RGL1: variants seen among roughly 807,000 people sequenced by gnomAD.
RGL1 encodes the protein ral guanine nucleotide dissociation stimulator-like 1.
A neutral mutation model predicts 95.2 loss-of-function variants in RGL1; 24 were observed. The observed-to-expected ratio is 0.25, with a 90% CI of 0.18 to 0.35. The LOEUF is 0.35. Among genes scored for constraint, RGL1 ranks in the 10% least tolerant of loss-of-function variants. The pLI is 1.00. For synonymous variants in RGL1, 329 were observed against 344.9 expected, an observed-to-expected ratio of 0.95 and a Z score of 0.51; for missense variants, 715 against 936.3, an observed-to-expected ratio of 0.76 and a Z score of 3.08.
rs977275340 is a variant in RGL1 at position 183,648,888 on chromosome 1, A to G, written c.-33+12387A>G. ...ACAGTGCATTAATTTATTAAACCAT[A>G]CTTTCTTTAAAGGAAGTAGCACAAT... On this transcript the variant is annotated intron_variant, in intron 1 of 18. Transcript: ENST00000304685. 7.9e-6 allele frequency: 7 copies of G among 890,506 alleles called. No homozygotes were observed. The East Asian group carries it at 1.7e-4, about 22-fold the overall frequency. 55.2% of individuals were successfully genotyped at this position (890,506 alleles called of 1,614,324 possible). A position where few individuals can be genotyped will look rare whatever the true frequency, so the allele number is the denominator to read the frequency against.
At chr1:183,910,248 C>T (rs1232104480) in intron 14 of RGL1, among the ~76,000 whole-genome samples, 1 of 152,120 alleles carries the variant, frequency 6.6e-6, no homozygotes, top group Non-Finnish European at 1.5e-5. Flanking sequence ...AGGCACATGC[C>T]ACCACACCTG....
intron 2 of RGL1, among the ~76,000 whole-genome samples, chr1:183,807,106 T>C (rs1572436885): frequency 6.6e-6 from 1 of 152,154 alleles, no homozygotes; most frequent in African/African-American, 2.4e-5. Context: ...TTGTAAAATA[T>C]TGGGTGAGGT....
rs762764434 is a variant in RGL1, at chr1:183,713,072, C to T, written c.-32-29054C>T. 7.4e-4 allele frequency among the ~76,000 whole-genome samples: 112 copies of T among 152,160 alleles called. 1 individual carries two copies. The highest frequency in any genetic ancestry group is 3.4e-3 in the Middle Eastern group (1 of 294). On this transcript the variant is annotated intron_variant, in intron 1 of 18. Coordinates refer to the RGL1 transcript ENST00000304685. ...ACAGAGTCTCCCTCTCTCGCCCAGG[C>T]TGGAGTACAGTGGCATGATCTCGGC... is the stretch of plus-strand genomic sequence containing the variant.
chr1:183,871,418 A>G (rs1190021811), intron 4 of RGL1, among the ~76,000 whole-genome samples: 5 of 152,314 alleles, frequency 3.3e-5, no homozygotes, highest in East Asian at 3.9e-4. Flanking sequence ...CAGGAATCCA[A>G]TGACATTCAG....
At chr1:183,741,700 T>G (rs1428084875) in intron 1 of RGL1, among the ~76,000 whole-genome samples, 1 of 152,230 alleles carries the variant, frequency 6.6e-6, no homozygotes, top group Non-Finnish European at 1.5e-5. Flanking sequence ...CACAAGTGCA[T>G]AATAGATGTT....
intron 17 of RGL1, 142 bp downstream of exon 17, chr1:183,922,478 T>C (rs1229829430): frequency 1.6e-6 from 1 of 632,324 alleles, no homozygotes. Flanking sequence ...AGTGCAAGGG[T>C]GAACAACCGT....
At chr1:183,874,494 C>G (rs529878486) in intron 4 of RGL1, among the ~76,000 whole-genome samples, 4 of 151,918 alleles carry the variant, frequency 2.6e-5, no homozygotes, top group Non-Finnish European at 5.9e-5. Flanking sequence ...TTTTCTTCCT[C>G]CTTCTTGCCG....
chr1:183,860,203 C>T (rs1244399449), intron 3 of RGL1, among the ~76,000 whole-genome samples: 4 of 152,126 alleles, frequency 2.6e-5, no homozygotes, highest in Admixed American at 1.3e-4. Flanking sequence ...TCTTCCTTTC[C>T]GTTCTTTCAC....
chr1:183,909,827 CT>C (rs1318108969), intron 14 of RGL1, among the ~76,000 whole-genome samples: 1 of 152,156 alleles, frequency 6.6e-6, no homozygotes, highest in Non-Finnish European at 1.5e-5. Flanking sequence ...TCCCGCCCTC[CT>C]TTTACCACTA....
At chr1:183,658,183 C>T (rs1651322360) in intron 1 of RGL1, among the ~76,000 whole-genome samples, 1 of 152,214 alleles carries the variant, frequency 6.6e-6, no homozygotes, top group Non-Finnish European at 1.5e-5. Flanking sequence ...GTTCATCTCA[C>T]TAGGGAGTGC....
At chr1:183,746,317 TAC>T (rs1007065037) in intron 2 of RGL1, among the ~76,000 whole-genome samples, 1 of 151,796 alleles carries the variant, frequency 6.6e-6, no homozygotes. Flanking sequence ...TGTTGAGTTA[TAC>T]ACACACACAC....
chr1:183,743,147 G>T (rs373921228), intron 2 of RGL1, among the ~76,000 whole-genome samples: 85 of 152,194 alleles, frequency 5.6e-4, no homozygotes, highest in African/African-American at 2.0e-3. Context: ...AAGTAACTAG[G>T]ACTACAGGTC....
chr1:183,806,945 T>A (rs1187965879), intron 2 of RGL1, among the ~76,000 whole-genome samples: 1 of 152,192 alleles, frequency 6.6e-6, no homozygotes, highest in Admixed American at 6.5e-5. Context: ...CAAGTCTGCA[T>A]CCTTTGAGGG....
Position 183,922,353 on chromosome 1 carries a change from G to C in RGL1, c.2119+17G>C. 6.3e-7 allele frequency: 1 copy of C among 1,589,308 alleles called. No homozygotes were observed. The highest frequency in any genetic ancestry group is 8.6e-7 in the Non-Finnish European group (1 of 1,159,552). ...AGGACAAAGGTGGGCATCCTTCCGA[G>C]ACAGGCATGTTCCTTCCCAGGGCAG... On this transcript the variant is annotated intron_variant, in intron 17 of 17. Transcript: ENST00000360851.
chr1:183,741,989 C>A, intron 1 of RGL1: 1 of 588,828 alleles, frequency 1.7e-6, no homozygotes, highest in Non-Finnish European at 2.9e-6. Context: ...TAAAAGTGGC[C>A]ATAAAAGTTG....
intron 1 of RGL1, among the ~76,000 whole-genome samples, chr1:183,710,728 A>T (rs188209481): frequency 1.3e-5 from 2 of 152,064 alleles, no homozygotes; most frequent in Non-Finnish European, 2.9e-5. Context: ...ATCAGATCTC[A>T]TGAGAACTCC....
At chr1:183,900,282 T>A (rs1316378469) in intron 11 of RGL1, 46 bp downstream of exon 11, 2 of 1,449,366 alleles carry the variant, frequency 1.4e-6, no homozygotes, top group Admixed American at 1.7e-5. Flanking sequence ...GCCTTCCCAC[T>A]GGATACCCTA....
intron 11 of RGL1, among the ~76,000 whole-genome samples, chr1:183,901,724 C>T (rs1668038611): frequency 6.6e-6 from 1 of 152,008 alleles, no homozygotes; most frequent in South Asian, 2.1e-4. Context: ...CTACTCCCTT[C>T]ATCCCCCATC....
intron 1 of RGL1, among the ~76,000 whole-genome samples, chr1:183,741,213 T>C (rs2102255200): frequency 6.6e-6 from 1 of 152,362 alleles, no homozygotes; most frequent in Non-Finnish European, 1.5e-5. Flanking sequence ...ATTTGGGTTT[T>C]ATTCTTTAGG....
Sources: allele counts gnomAD v4.1 joint callset (sites outside exome capture counted in the v4.1 genomes callset), GRCh38; gene constraint gnomAD v4.1.1; transcripts MANE v1.5; gene names NCBI Gene and HGNC (gene_info 2026-07-23, HGNC 2026-07-21).